Variants in RALA observed in about 807,000 individuals in gnomAD.
RALA encodes the protein ras-related protein Ral-A.
In RALA, 5 loss-of-function variants were observed where a neutral mutation model predicts 24.0. The observed-to-expected ratio is 0.21, with a 90% CI of 0.11 to 0.44. The LOEUF is 0.44. Among genes scored for constraint, RALA ranks in the 20% least tolerant of loss-of-function variants. RALA has a pLI of 0.99. For missense variants in RALA, 95 were observed against 241.2 expected (o/e 0.39, Z 4.01); for synonymous variants, 77 against 83.8 (o/e 0.92, Z 0.44).
chr7:39,668,010 G>A (rs1310547430), intron 1 of RALA, among the ~76,000 whole-genome samples: 1 of 152,174 alleles, frequency 6.6e-6, no homozygotes, highest in Non-Finnish European at 1.5e-5. Context: ...CTAGCCAATG[G>A]TGACATGAAA....
intron 1 of RALA, among the ~76,000 whole-genome samples, chr7:39,638,876 A>G (rs1480214178): frequency 2.0e-5 from 3 of 152,190 alleles, no homozygotes; most frequent in African/African-American, 4.8e-5. Flanking sequence ...TCTCATGTAT[A>G]TATACTTGGG....
chr7:39,690,697 C>G, intron 3 of RALA, 107 bp downstream of exon 3: 1 of 851,656 alleles, frequency 1.2e-6, no homozygotes. Context: ...TTTACTCTGT[C>G]TCTAATTGTG....
At chr7:39,689,223 G>A (rs1302350887) in intron 2 of RALA, among the ~76,000 whole-genome samples, 1 of 152,112 alleles carries the variant, frequency 6.6e-6, no homozygotes, top group Non-Finnish European at 1.5e-5. Flanking sequence ...TAACTCCTGG[G>A]CTCAAGTGAT....
intron 1 of RALA, among the ~76,000 whole-genome samples, chr7:39,674,141 A>C (rs1792438796): frequency 6.6e-6 from 1 of 152,148 alleles, no homozygotes; most frequent in Non-Finnish European, 1.5e-5. Flanking sequence ...ATGCAGTGGC[A>C]AAATCATATC....
At chr7:39,649,692 C>T (rs1791988300) in intron 1 of RALA, among the ~76,000 whole-genome samples, 1 of 152,060 alleles carries the variant, frequency 6.6e-6, no homozygotes, top group African/African-American at 2.4e-5. Flanking sequence ...ATAAATTACC[C>T]AGGCTTACAT....
At chr7:39,648,122 G>A (rs1350918493) in intron 1 of RALA, among the ~76,000 whole-genome samples, 3 of 152,170 alleles carry the variant, frequency 2.0e-5, no homozygotes, top group Non-Finnish European at 2.9e-5. Context: ...AGCTTCTAAA[G>A]TCATATACAA....
intron 1 of RALA, among the ~76,000 whole-genome samples, chr7:39,654,753 G>GTTTC (rs1460250591): frequency 1.3e-5 from 2 of 151,918 alleles, no homozygotes; most frequent in Non-Finnish European, 2.9e-5. Context: ...TTGTTTGTTT[G>GTTTC]TTTGTTTGTT....
chr7:39,690,539 G>C lies in RALA; in HGVS notation c.272G>C (p.Cys91Ser). 1 of 1,613,958 alleles carries C rather than the reference G, an allele frequency of 6.2e-7. No individual in the cohort carries two copies. The highest frequency in any genetic ancestry group is 2.2e-5 in the East Asian group (1 of 44,882). ...NYFRSGEGFL[C>S]VFSITEMESF... The stretch of plus-strand genomic sequence containing the variant: ...TTCCGAAGTGGGGAGGGGTTCCTCT[G>C]TGTTTTCTCTATTACAGAAATGGAA... Residue 91 changes from cysteine (C) to serine (S), a missense_variant, in exon 3 of 5, where the codon TGT (cysteine) becomes TCT (serine). Physicochemically the swap from Cys to Ser is moderately radical, Grantham distance 112. Coordinates refer to ENST00000005257, the MANE Select transcript of RALA (RefSeq NM_005402.4).
At chr7:39,643,591 T>TA (rs1451207563) in intron 1 of RALA, among the ~76,000 whole-genome samples, 4 of 150,948 alleles carry the variant, frequency 2.6e-5, no homozygotes, top group Non-Finnish European at 4.4e-5. Flanking sequence ...CGTGGTGGCT[T>TA]ACGCCTGTAA....
chr7:39,629,088 G>A (rs1357217106), intron 1 of RALA, among the ~76,000 whole-genome samples: 2 of 152,182 alleles, frequency 1.3e-5, no homozygotes, highest in African/African-American at 4.8e-5. Context: ...TTGTGTACAT[G>A]TATCTTTGTA....
In RALA at chr7:39,706,706, T is replaced by C. The variant is rs929718471; in HGVS notation, c.*461T>C. On this transcript the variant is annotated 3_prime_UTR_variant, in exon 5 of 5. Transcript: ENST00000005257. The stretch of plus-strand genomic sequence containing the variant: ...TTTTTTTAACCATTATTATGCAAAA[T>C]TTAGAAGAAAAGTTATTGGCATGGT... 2 of 152,634 alleles carry C rather than the reference T, an allele frequency of 1.3e-5. No individual in the cohort carries two copies. The highest frequency in any genetic ancestry group is 6.5e-5 in the Admixed American group (1 of 15,278). 9.5% of individuals were successfully genotyped at this position (152,634 alleles called of 1,614,324 possible).
intron 1 of RALA, among the ~76,000 whole-genome samples, chr7:39,662,362 CT>C (rs975149976): frequency 6.6e-6 from 1 of 152,012 alleles, no homozygotes; most frequent in African/African-American, 2.4e-5. Context: ...AGAAAATTGG[CT>C]TTTTTTTCCT....
intron 1 of RALA, among the ~76,000 whole-genome samples, chr7:39,665,531 C>T (rs887990428): frequency 1.7e-4 from 26 of 151,936 alleles, no homozygotes; most frequent in Non-Finnish European, 3.7e-4. Context: ...CCTGTGTTAT[C>T]CAAGAGTCGA....
intron 1 of RALA, among the ~76,000 whole-genome samples, chr7:39,631,832 A>C (rs1177910133): frequency 6.6e-6 from 1 of 152,202 alleles, no homozygotes; most frequent in Non-Finnish European, 1.5e-5. Context: ...CATTGCTATG[A>C]AAGTATACCT....
At chr7:39,676,116 C>G (rs1792483439) in intron 1 of RALA, among the ~76,000 whole-genome samples, 1 of 152,114 alleles carries the variant, frequency 6.6e-6, no homozygotes, top group Non-Finnish European at 1.5e-5. Flanking sequence ...GCTGGGACTA[C>G]AGGCGCCCAC....
At chr7:39,697,638 T>C (rs1792945603) in intron 4 of RALA, 1 of 300,570 alleles carries the variant, frequency 3.3e-6, no homozygotes, top group African/African-American at 2.2e-5. Flanking sequence ...AAACACACAT[T>C]CTTGGGTCTT....
At chr7:39,659,311 C>T (rs1399669085) in intron 1 of RALA, among the ~76,000 whole-genome samples, 1 of 151,982 alleles carries the variant, frequency 6.6e-6, no homozygotes, top group East Asian at 1.9e-4. Flanking sequence ...ATGATCAAAT[C>T]TTAAATTTAG....
intron 1 of RALA, among the ~76,000 whole-genome samples, chr7:39,653,179 G>A (rs1003187614): frequency 2.4e-5 from 3 of 124,910 alleles, no homozygotes; most frequent in Admixed American, 7.5e-5. Flanking sequence ...ACAGGCATGC[G>A]CCACCATGCC....
chr7:39,633,244 A>G lies in RALA; in HGVS notation c.-38+9419A>G, dbSNP rs77625306. 6.6e-5 allele frequency among the ~76,000 whole-genome samples: 10 copies of G among 152,368 alleles called. No individual in the cohort carries two copies. In the East Asian group the frequency reaches 7.7e-4, roughly 12 times the overall value. On this transcript the variant is annotated intron_variant, in intron 1 of 4. Coordinates refer to ENST00000005257, the MANE Select transcript of RALA (RefSeq NM_005402.4). ...AATGTTAGTCTGTTCTCGCACTGCT[A>G]TAAAGACATACCCGAGAATGGGTAA...
Sources: gnomAD v4.1 joint callset for allele counts (sites outside exome capture counted in the v4.1 genomes callset) on GRCh38, gnomAD v4.1.1 for gene constraint, MANE v1.5 for transcripts, NCBI Gene and HGNC (gene_info 2026-07-23, HGNC 2026-07-21) for gene names.